Variants in SULF1 observed in about 807,000 individuals in gnomAD.
The protein encoded by SULF1 is sulfatase 1.
In SULF1, 46 loss-of-function variants were observed where a neutral mutation model predicts 110.5. The observed-to-expected ratio is 0.42, with a 90% CI of 0.33 to 0.53. The LOEUF is 0.53. Ranked by LOEUF, SULF1 falls within the 20% of genes least tolerant of loss-of-function variation. The pLI, the probability that SULF1 is intolerant of heterozygous loss-of-function variation, is 0.12. For synonymous variants in SULF1, 371 were observed against 387.1 expected (o/e 0.96, Z 0.49); for missense variants, 941 against 1,094.2 (o/e 0.86, Z 1.98).
rs755877607 is a variant in SULF1 at position 69,628,189 on chromosome 8, A to G, written c.2061A>G (p.Lys687=). 3.7e-6 allele frequency: 6 copies of G among 1,613,704 alleles called. No homozygotes were observed. In the East Asian group the frequency reaches 1.3e-4, roughly 36 times the overall value. ...CCTGCAGCTATTACAATAAAGAGAA[A>G]GGTGTAAAAAAGCAAGAGAAATTAA... ...CSKQSYYNKE[K]GVKKQEKLKS... Residue 687 remains lysine (K), a synonymous_variant, in exon 18 of 23, where the codon AAA becomes AAG. Coordinates refer to ENST00000402687, the MANE Select transcript of SULF1 (RefSeq NM_001128205.2).
intron 3 of SULF1, among the ~76,000 whole-genome samples, chr8:69,507,425 T>G (rs1285999724): frequency 6.6e-6 from 1 of 152,208 alleles, no homozygotes; most frequent in East Asian, 1.9e-4. Context: ...AATATTCAAT[T>G]TTAGGTTCCT....
chr8:69,526,779 A>G (rs1228204354), intron 3 of SULF1, among the ~76,000 whole-genome samples: 1 of 149,352 alleles, frequency 6.7e-6, no homozygotes, highest in African/African-American at 2.5e-5. Context: ...AGACAGAGTG[A>G]GACCCTGTGT....
At chr8:69,493,448 T>A (rs994707445) in intron 1 of SULF1, among the ~76,000 whole-genome samples, 46 of 144,276 alleles carry the variant, frequency 3.2e-4, no homozygotes, top group African/African-American at 1.1e-3. Flanking sequence ...CACACAACAC[T>A]ACACACACAC....
intron 22 of SULF1, among the ~76,000 whole-genome samples, chr8:69,645,167 G>A (rs1811796525): frequency 6.6e-6 from 1 of 152,160 alleles, no homozygotes; most frequent in African/African-American, 2.4e-5. Context: ...CCAAAGCTCG[G>A]CCATGAGAGC....
intron 1 of SULF1, among the ~76,000 whole-genome samples, chr8:69,477,654 C>G (rs1273866883): frequency 6.6e-6 from 1 of 152,092 alleles, no homozygotes; most frequent in Non-Finnish European, 1.5e-5. Flanking sequence ...CAGGGTGGTA[C>G]AGTGGAAAGA....
intron 13 of SULF1, among the ~76,000 whole-genome samples, chr8:69,620,677 AG>A (rs1809527834): frequency 6.6e-6 from 1 of 152,202 alleles, no homozygotes; most frequent in African/African-American, 2.4e-5. Context: ...GTCTGGTGAA[AG>A]CAGTCCTGAC....
intron 3 of SULF1, among the ~76,000 whole-genome samples, chr8:69,547,584 C>T (rs1814365746): frequency 1.3e-5 from 2 of 152,184 alleles, no homozygotes; most frequent in Admixed American, 6.5e-5. Flanking sequence ...GCGCTGCACA[C>T]CACTGTGTTG....
At chr8:69,545,820 C>T (rs565644845) in intron 3 of SULF1, among the ~76,000 whole-genome samples, 91 of 152,300 alleles carry the variant, frequency 6.0e-4, no homozygotes, top group African/African-American at 6.7e-4. Context: ...CCGCAGTCCA[C>T]GCCCAGCTGA....
intron 8 of SULF1, 34 bp downstream of exon 8, chr8:69,589,175 A>ACATGC (rs773860672): frequency 1.3e-6 from 2 of 1,597,540 alleles, no homozygotes; most frequent in Non-Finnish European, 1.7e-6. Flanking sequence ...GACCTGCCGA[A>ACATGC]CATGCCTTTC....
At chr8:69,609,721 A>G (rs1808497177) in intron 13 of SULF1, among the ~76,000 whole-genome samples, 1 of 152,180 alleles carries the variant, frequency 6.6e-6, no homozygotes, top group African/African-American at 2.4e-5. Flanking sequence ...ATGAATGGCA[A>G]TCACCACTCA....
At chr8:69,616,963 G>C (rs556895242) in intron 13 of SULF1, among the ~76,000 whole-genome samples, 1 of 152,114 alleles carries the variant, frequency 6.6e-6, no homozygotes, top group South Asian at 2.1e-4. Flanking sequence ...TGCTTCTCTA[G>C]GCATTAAGCA....
At chr8:69,591,398 C>T (rs1262450165) in intron 8 of SULF1, among the ~76,000 whole-genome samples, 3 of 147,100 alleles carry the variant, frequency 2.0e-5, no homozygotes, top group Non-Finnish European at 4.5e-5. Context: ...ACTAAAAATA[C>T]AAAAAAAAAA....
At position 69,638,596 on chromosome 8, in the gene SULF1, T is replaced by A; in HGVS notation, c.2379T>A (p.Phe793Leu). 6.2e-7 allele frequency: 1 copy of A among 1,614,142 alleles called. No homozygotes were observed. The highest frequency in any genetic ancestry group is 2.2e-5 in the East Asian group (1 of 44,880). ...NETHNFLFCE[F>L]ATGFLEYFDM... ...CGCATAATTTTCTTTTCTGTGAGTT[T>A]GCTACTGGCTTTTTGGAGTATTTTG... Residue 793 changes from phenylalanine (F) to leucine (L), a missense_variant, in exon 20 of 23, where the codon TTT becomes TTA. Coordinates refer to ENST00000402687, the MANE Select transcript of SULF1 (RefSeq NM_001128205.2).
At chr8:69,622,881 G>A (rs1809725337) in intron 14 of SULF1, among the ~76,000 whole-genome samples, 2 of 152,078 alleles carry the variant, frequency 1.3e-5, no homozygotes, top group African/African-American at 4.8e-5. Flanking sequence ...CTACTGTCAC[G>A]GAGGTTGCTC....
chr8:69,615,232 TG>T (rs1808998896), intron 13 of SULF1, among the ~76,000 whole-genome samples: 1 of 152,240 alleles, frequency 6.6e-6, no homozygotes. Context: ...ACTATTTAAA[TG>T]GCTTGCTTCA....
In SULF1 at chr8:69,625,607, C is replaced by T. The variant is rs151173676; in HGVS notation, c.1850+1410C>T. Reference sequence around the variant, plus strand: ...GTGAGTGTTACAGCTCTTAAGGCAGCGCGTCTGGAGTTGTTCGTTCCTCCC... The same window carrying T: ...GTGAGTGTTACAGCTCTTAAGGCAGTGCGTCTGGAGTTGTTCGTTCCTCCC... On this transcript the variant is annotated intron_variant, in intron 15 of 22. Coordinates refer to ENST00000402687, the MANE Select transcript of SULF1 (RefSeq NM_001128205.2). Among the ~76,000 whole-genome samples the T allele has an allele frequency of 5.5e-4, 83 of 152,240 alleles. 1 individual carries two copies. The highest frequency in any genetic ancestry group is 6.8e-3 in the Middle Eastern group (2 of 294).
chr8:69,636,984 C>G (rs966655262), intron 19 of SULF1, among the ~76,000 whole-genome samples: 4 of 152,168 alleles, frequency 2.6e-5, no homozygotes, highest in Admixed American at 1.3e-4. Flanking sequence ...AGAGCTTCTT[C>G]TTGTTCCAGC....
At position 69,510,520 on chromosome 8, in the gene SULF1, T is replaced by C. The variant is rs573674945; in HGVS notation, c.-134+8552T>C. On this transcript the variant is annotated intron_variant, in intron 3 of 22. Transcript: ENST00000402687. ...GCTTAACAATTAGTAAAGTGCTTTA[T>C]GCACAGTAACTATTTTTATTTATAG... Among the ~76,000 whole-genome samples the C allele has an allele frequency of 4.6e-5, 7 of 152,308 alleles. No individual in the cohort carries two copies. The South Asian group carries it at 1.5e-3, about 32-fold the overall frequency.
intron 22 of SULF1, among the ~76,000 whole-genome samples, chr8:69,650,713 A>G (rs1347783951): frequency 1.3e-5 from 2 of 152,124 alleles, no homozygotes; most frequent in Admixed American, 1.3e-4. Flanking sequence ...TGCTATCATT[A>G]TTTATTTTGA....
Sources: allele counts gnomAD v4.1 joint callset (sites outside exome capture counted in the v4.1 genomes callset), GRCh38; gene constraint gnomAD v4.1.1; transcripts MANE v1.5; gene names NCBI Gene and HGNC (gene_info 2026-07-23, HGNC 2026-07-21).